The following ZNF184 variants were observed in gnomAD, a reference collection of about 807,000 sequenced individuals.
ZNF184 encodes zinc finger protein 184.
Under a neutral mutation model 54.4 loss-of-function variants are expected in ZNF184, and 16 were observed. That is an observed-to-expected ratio of 0.29 (90% confidence interval 0.20 to 0.45). ZNF184 has a LOEUF of 0.45. Ranked by LOEUF, ZNF184 falls within the 20% of genes least tolerant of loss-of-function variation. The probability of loss-of-function intolerance (pLI) is 1.00; values close to 1 mark genes in which losing one functional copy is unlikely to be tolerated. For missense variants in ZNF184, 681 were observed against 888.2 expected (o/e 0.77, Z 2.97); for synonymous variants, 254 against 295.3 (o/e 0.86, Z 1.43).
chr6:27,457,227 G>C (rs1762878869), intron 4 of ZNF184, 56 bp downstream of exon 4: 3 of 1,587,892 alleles, frequency 1.9e-6, no homozygotes, highest in Non-Finnish European at 2.6e-6. Context: ...CTGAGCACAA[G>C]AGAGAACCCT....
chr6:27,420,496 C>G, the ZNF184 span, among the ~76,000 whole-genome samples: 1 of 152,130 alleles, frequency 6.6e-6, no homozygotes, highest in African/African-American at 2.4e-5. Context: ...GTTAGCTACC[C>G]TGGTTGAAAG....
At chr6:27,456,738 G>A (rs569459827) in intron 5 of ZNF184, 88 bp downstream of exon 5, 1 of 1,130,412 alleles carries the variant, frequency 8.8e-7, no homozygotes, top group Admixed American at 2.0e-5. Flanking sequence ...AGGGAAGAAA[G>A]TACATCTACA....
chr6:27,472,147 T>C lies in ZNF184; in HGVS notation c.7+141A>G. ...TAAAACAGAATCTCTCCCTACAATG[T>C]AATTCGGTTTCTTTGCTAATCCCTA... is the stretch of plus-strand genomic sequence containing the variant. On this transcript the variant is annotated intron_variant, in intron 2 of 5. Transcript: ENST00000683788. This position sits in a 1 kb window ranked among gnomAD's most constrained non-coding sequence, Gnocchi z 4.8. 2.8e-6 allele frequency: 3 copies of C among 1,061,436 alleles called. No homozygotes were observed. The highest frequency in any genetic ancestry group is 4.1e-6 in the Non-Finnish European group (3 of 737,754). 65.8% of individuals were successfully genotyped at this position (1,061,436 alleles called of 1,614,324 possible).
In ZNF184 at chr6:27,472,464, A is replaced by G; in HGVS notation, c.-139-31T>C. On this transcript the variant is annotated intron_variant, in intron 1 of 5. Coordinates refer to ENST00000683788, the MANE Select transcript of ZNF184 (RefSeq NM_001318891.2). The surrounding 1 kb of genome is among the most constrained non-coding windows in gnomAD (Gnocchi z 4.8). ...AGACACAGGATGGCGTCAGCAGCAT[A>G]CGTCACACAATCACACATCAGAGTC... is the stretch of plus-strand genomic sequence containing the variant. 1 of 738,476 alleles carries G rather than the reference A, an allele frequency of 1.4e-6. No homozygotes were observed. 45.7% of individuals were successfully genotyped at this position (738,476 alleles called of 1,614,324 possible).
chr6:27,454,319 C>T (rs903034594), intron 5 of ZNF184, among the ~76,000 whole-genome samples: 1 of 152,180 alleles, frequency 6.6e-6, no homozygotes. Context: ...GACCTCAGAG[C>T]TGCCTAGCAT....
chr6:27,445,978 CAAT>C (rs761568525), downstream of ZNF184, among the ~76,000 whole-genome samples: 1 of 151,678 alleles, frequency 6.6e-6, no homozygotes, highest in African/African-American at 2.4e-5. Context: ...TAACTGCATA[CAAT>C]GAGATGTGAG....
the ZNF184 span, chr6:27,404,688 TAAAC>T: frequency 1.3e-5 from 2 of 152,168 alleles, no homozygotes; most frequent in Non-Finnish European, 2.9e-5. Flanking sequence ...GATACTGGTG[TAAAC>T]AAACTTACTG....
chr6:27,452,639 T>C lies in ZNF184; in HGVS notation c.920A>G (p.Lys307Arg), dbSNP rs547351670. 3 of 1,614,048 alleles carry C rather than the reference T, an allele frequency of 1.9e-6. No homozygotes were observed. In the Admixed American group the frequency reaches 5.0e-5, roughly 27 times the overall value. ...QRIHTGEKPY[K>R]CDECGKAFSQ... ...AAAGGCTTTCCCACATTCATCACATTTATATGGTTTTTCTCCAGTATGAAT... is the reference window on the plus strand; with the variant it reads ...AAAGGCTTTCCCACATTCATCACATCTATATGGTTTTTCTCCAGTATGAAT... Residue 307 changes from lysine to arginine, a missense_variant, in exon 6 of 6, where the codon AAA becomes AGA. Physicochemically the swap from Lys to Arg is conservative, Grantham distance 26 (BLOSUM62 2). Coordinates refer to ENST00000683788, the MANE Select transcript of ZNF184 (RefSeq NM_001318891.2). The surrounding 1 kb of genome is among the most constrained non-coding windows in gnomAD (Gnocchi z 5.5).
chr6:27,435,244 A>G, the ZNF184 span, among the ~76,000 whole-genome samples: 1 of 152,142 alleles, frequency 6.6e-6, no homozygotes, highest in East Asian at 1.9e-4. Flanking sequence ...GCTTCGGATG[A>G]CGTTTTTCTG....
At chr6:27,434,505 C>T in the ZNF184 span, among the ~76,000 whole-genome samples, 5 of 151,850 alleles carry the variant, frequency 3.3e-5, no homozygotes, top group African/African-American at 4.8e-5. Flanking sequence ...TGCCCATTTT[C>T]GAATTGGGTT....
the ZNF184 span, among the ~76,000 whole-genome samples, chr6:27,439,251 A>G: frequency 6.6e-6 from 1 of 152,206 alleles, no homozygotes; most frequent in African/African-American, 2.4e-5. Context: ...CACTATCTGT[A>G]GTTTCCCTTT....
the ZNF184 span, among the ~76,000 whole-genome samples, chr6:27,421,330 G>T: frequency 6.6e-6 from 1 of 152,202 alleles, no homozygotes; most frequent in Non-Finnish European, 1.5e-5. Context: ...CTTTCTGGGA[G>T]CAGCTGGTAT....
intron 3 of ZNF184, among the ~76,000 whole-genome samples, chr6:27,466,677 T>TA (rs57473109): frequency 4.7e-4 from 71 of 150,622 alleles, no homozygotes; most frequent in South Asian, 1.7e-3. Flanking sequence ...ACCCCCCAAT[T>TA]AAAAAAAAAA....
chr6:27,473,082 G>C lies in ZNF184; in HGVS notation c.-493C>G, dbSNP rs1054211229. Reference sequence around the variant, plus strand: ...GAGCCGAAGCAACTGGACTTCCAGCGCGCCAACCTCTTTCCACGCCTACAA... The same window carrying C: ...GAGCCGAAGCAACTGGACTTCCAGCCCGCCAACCTCTTTCCACGCCTACAA... On this transcript the variant is annotated 5_prime_UTR_variant, in exon 1 of 6. Transcript: ENST00000683788. The C allele has an allele frequency of 1.3e-5, 2 of 152,350 alleles. No individual in the cohort carries two copies. The highest frequency in any genetic ancestry group is 1.3e-4 in the Admixed American group (2 of 15,274). 9.4% of individuals were successfully genotyped at this position (152,350 alleles called of 1,614,324 possible). A position where few individuals can be genotyped will look rare whatever the true frequency, so the allele number is the denominator to read the frequency against.
At chr6:27,435,182 G>GA in the ZNF184 span, among the ~76,000 whole-genome samples, 3 of 151,522 alleles carry the variant, frequency 2.0e-5, no homozygotes, top group East Asian at 1.9e-4. Context: ...TTATTATCTA[G>GA]AAAAAAAACA....
chr6:27,444,470 C>T, the ZNF184 span, among the ~76,000 whole-genome samples: 1 of 152,114 alleles, frequency 6.6e-6, no homozygotes, highest in African/African-American at 2.4e-5. Context: ...CATACTATAA[C>T]ATTGAATATT....
intron 2 of ZNF184, among the ~76,000 whole-genome samples, chr6:27,470,965 GTATGGACCA>G (rs1763260593): frequency 6.6e-6 from 1 of 152,082 alleles, no homozygotes; most frequent in Non-Finnish European, 1.5e-5. Flanking sequence ...TTGAAGAAAA[GTATGGACCA>G]AACCTACATT....
At chr6:27,406,034 A>C in the ZNF184 span, 1 of 152,216 alleles carries the variant, frequency 6.6e-6, no homozygotes, top group Non-Finnish European at 1.5e-5. Flanking sequence ...CCTCCAAACC[A>C]GCAAAAGAAC....
intron 2 of ZNF184, 43 bp from the exon 3 acceptor site, chr6:27,467,963 G>A: frequency 7.0e-7 from 1 of 1,422,880 alleles, no homozygotes; most frequent in Non-Finnish European, 9.6e-7. Flanking sequence ...GTTCAATTTA[G>A]CCATTCCCAG....
Sources: gnomAD v4.1 joint callset for allele counts (sites outside exome capture counted in the v4.1 genomes callset) on GRCh38, gnomAD v4.1.1 for gene constraint, Gnocchi (gnomAD v3.1) non-coding constraint, MANE v1.5 for transcripts, NCBI Gene and HGNC (gene_info 2026-07-23, HGNC 2026-07-21) for gene names.